The following CSMD1 variants were observed in gnomAD, a reference collection of about 807,000 sequenced individuals.
The protein encoded by CSMD1 is CUB and sushi domain-containing protein 1.
In CSMD1, 213 loss-of-function variants were observed where a neutral mutation model predicts 417.5. That is an observed-to-expected ratio of 0.51 (90% confidence interval 0.46 to 0.57). The LOEUF (loss-of-function observed/expected upper bound fraction) is 0.57. Among genes scored for constraint, CSMD1 ranks in the 20% least tolerant of loss-of-function variants. CSMD1 has a pLI of 0.00. For synonymous variants in CSMD1, 2,862 were observed against 1,736.8 expected (o/e 1.65, Z -16.11); for missense variants, 6,923 against 4,529.7 (o/e 1.53, Z -15.17).
At chr8:4,456,987 A>T (rs200775930) in intron 2 of CSMD1, among the ~76,000 whole-genome samples, 38 of 133,620 alleles carry the variant, frequency 2.8e-4, no homozygotes, top group South Asian at 1.3e-3. Flanking sequence ...TTTTTTTTTA[A>T]AAAAAAAAAA....
intron 6 of CSMD1, among the ~76,000 whole-genome samples, chr8:3,734,914 C>T (rs1288499800): frequency 6.6e-6 from 1 of 152,148 alleles, no homozygotes; most frequent in Non-Finnish European, 1.5e-5. Flanking sequence ...CAGTTAGAGA[C>T]ATAACTCTTC....
At chr8:3,673,383 A>C (rs1799185789) in intron 7 of CSMD1, among the ~76,000 whole-genome samples, 2 of 152,230 alleles carry the variant, frequency 1.3e-5, no homozygotes. Context: ...AAAATTAGCA[A>C]GAATATGGAG....
intron 31 of CSMD1, among the ~76,000 whole-genome samples, chr8:3,202,025 G>C (rs996628790): frequency 1.3e-5 from 2 of 152,136 alleles, no homozygotes; most frequent in African/African-American, 2.4e-5. Flanking sequence ...TATATGGGCT[G>C]GATGTGGTGG....
rs182315961 is a variant in CSMD1 at position 4,647,747 on chromosome 8, T to G, written c.86-10189A>C. ...TGTCCCTGCAAAGGACATGATCTCA[T>G]TCCTTTCTTATGGCTGCATAGTATT... On this transcript the variant is annotated intron_variant, in intron 1 of 69. Transcript: ENST00000635120. Among the ~76,000 whole-genome samples, 361 of 152,308 alleles carry G rather than the reference T, an allele frequency of 2.4e-3. 1 individual carries two copies. The highest frequency in any genetic ancestry group is 8.3e-3 in the African/African-American group (346 of 41,574).
At chr8:4,591,372 G>C (rs767563873) in intron 2 of CSMD1, among the ~76,000 whole-genome samples, 6 of 152,162 alleles carry the variant, frequency 3.9e-5, no homozygotes, top group South Asian at 2.1e-4. Flanking sequence ...GGCCACCTTG[G>C]ATATATGAAT....
chr8:4,715,396 T>A (rs1017992654), intron 1 of CSMD1, among the ~76,000 whole-genome samples: 1 of 152,220 alleles, frequency 6.6e-6, no homozygotes, highest in Non-Finnish European at 1.5e-5. Flanking sequence ...TATAAACATG[T>A]AAAACAGATA....
intron 5 of CSMD1, among the ~76,000 whole-genome samples, chr8:3,838,308 G>C (rs986735043): frequency 1.3e-5 from 2 of 151,918 alleles, no homozygotes; most frequent in African/African-American, 4.8e-5. Flanking sequence ...AGGCAAGGCA[G>C]GAGGATTGCT....
intron 4 of CSMD1, among the ~76,000 whole-genome samples, chr8:4,011,809 C>G (rs975819205): frequency 7.9e-5 from 12 of 152,124 alleles, no homozygotes; most frequent in African/African-American, 2.9e-4. Context: ...AAAAATTACA[C>G]TGGAATAATA....
intron 5 of CSMD1, among the ~76,000 whole-genome samples, chr8:3,960,703 T>C (rs1205503353): frequency 6.6e-6 from 1 of 151,882 alleles, no homozygotes; most frequent in Admixed American, 6.6e-5. Flanking sequence ...TTTAATAAGA[T>C]ATATTTCTTT....
At chr8:4,170,376 T>G (rs2680612) in intron 3 of CSMD1, among the ~76,000 whole-genome samples, 11 of 151,814 alleles carry the variant, frequency 7.2e-5, no homozygotes, top group South Asian at 2.1e-4. Flanking sequence ...TTATGAAAAA[T>G]TGAATTCAAG....
At chr8:4,050,616 G>C (rs1200165355) in intron 3 of CSMD1, among the ~76,000 whole-genome samples, 2 of 151,912 alleles carry the variant, frequency 1.3e-5, no homozygotes, top group South Asian at 2.1e-4. Flanking sequence ...GCTTACAAGA[G>C]TCATCCTGCG....
chr8:3,557,400 G>A (rs1339476635), intron 10 of CSMD1, among the ~76,000 whole-genome samples: 3 of 152,154 alleles, frequency 2.0e-5, no homozygotes, highest in African/African-American at 7.2e-5. Context: ...GACCATTTAT[G>A]GGTCTTCACT....
chr8:4,140,297 G>C (rs910141710), intron 3 of CSMD1, among the ~76,000 whole-genome samples: 2 of 150,922 alleles, frequency 1.3e-5, no homozygotes, highest in Non-Finnish European at 2.9e-5. Context: ...AGGAGTTTGA[G>C]ACCAGCCTGA....
intron 5 of CSMD1, among the ~76,000 whole-genome samples, chr8:3,784,447 G>T (rs184338859): frequency 1.3e-5 from 2 of 152,292 alleles, no homozygotes; most frequent in African/African-American, 4.8e-5. Context: ...TTCTTAAAGA[G>T]ATATATAAGT....
At chr8:4,943,158 G>A (rs1310057206) in intron 1 of CSMD1, among the ~76,000 whole-genome samples, 2 of 152,132 alleles carry the variant, frequency 1.3e-5, no homozygotes, top group South Asian at 2.1e-4. Context: ...CAGTTAGTAA[G>A]GTCTTCATTA....
At chr8:4,603,152 T>C (rs963805757) in intron 2 of CSMD1, among the ~76,000 whole-genome samples, 3 of 152,058 alleles carry the variant, frequency 2.0e-5, no homozygotes, top group Non-Finnish European at 4.4e-5. Flanking sequence ...GCTATATTAA[T>C]TACTTTAAGA....
At chr8:3,845,743 A>G (rs932055192) in intron 5 of CSMD1, among the ~76,000 whole-genome samples, 8 of 152,212 alleles carry the variant, frequency 5.3e-5, no homozygotes, top group Admixed American at 1.3e-4. Flanking sequence ...TACTCTTACA[A>G]TAACACATAG....
chr8:3,266,604 C>CAAAAAAAAAAAAAA (rs60439183), intron 26 of CSMD1, among the ~76,000 whole-genome samples: 1 of 25,508 alleles, frequency 3.9e-5, no homozygotes, highest in African/African-American at 1.9e-4. Context: ...GACTCCCTCT[C>CAAAAAAAAAAAAAA]AAAAAAAAAA....
At chr8:3,413,181 C>T (rs548591714) in intron 12 of CSMD1, among the ~76,000 whole-genome samples, 1 of 152,204 alleles carries the variant, frequency 6.6e-6, no homozygotes, top group Non-Finnish European at 1.5e-5. Flanking sequence ...TGATTATTAG[C>T]AAGCCTTAAA....
Sources: gnomAD v4.1 joint callset for allele counts (sites outside exome capture counted in the v4.1 genomes callset) on GRCh38, gnomAD v4.1.1 for gene constraint, MANE v1.5 for transcripts, NCBI Gene and HGNC (gene_info 2026-07-23, HGNC 2026-07-21) for gene names.